Variants in DMRT1 observed in about 807,000 individuals in gnomAD.
DMRT1 encodes doublesex and mab-3 related transcription factor 1.
In DMRT1, 7 loss-of-function variants were observed where a neutral mutation model predicts 32.3. The ratio of observed to expected loss-of-function variants is 0.22; its 90% confidence interval spans 0.12 to 0.41. DMRT1 has a LOEUF of 0.41. Ranked by LOEUF, DMRT1 falls within the 10% of genes least tolerant of loss-of-function variation. The probability of loss-of-function intolerance (pLI) is 1.00; values close to 1 mark genes in which losing one functional copy is unlikely to be tolerated. For missense variants in DMRT1, 625 were observed against 500.5 expected, an observed-to-expected ratio of 1.25 and a Z score of -2.37; for synonymous variants, 278 against 206.1, an observed-to-expected ratio of 1.35 and a Z score of -2.99.
chr9:859,105 G>A (rs1459089111), intron 2 of DMRT1, among the ~76,000 whole-genome samples: 1 of 151,962 alleles, frequency 6.6e-6, no homozygotes, highest in African/African-American at 2.4e-5. Context: ...AAGTTCCCTG[G>A]CTTCTGAAAT....
chr9:941,280 G>T (rs898562389), intron 4 of DMRT1, among the ~76,000 whole-genome samples: 2 of 151,570 alleles, frequency 1.3e-5, no homozygotes, highest in African/African-American at 4.9e-5. Context: ...ACAGAGGGTG[G>T]ACAAAGAAAA....
intron 4 of DMRT1, among the ~76,000 whole-genome samples, chr9:929,035 C>T (rs377331081): frequency 1.1e-4 from 16 of 151,954 alleles, no homozygotes; most frequent in South Asian, 6.3e-4. Flanking sequence ...GATGGGGTTT[C>T]GCTATGTTGG....
At chr9:868,556 G>T (rs1816091143) in intron 2 of DMRT1, among the ~76,000 whole-genome samples, 1 of 152,198 alleles carries the variant, frequency 6.6e-6, no homozygotes, top group Non-Finnish European at 1.5e-5. Context: ...TTCTTTGTGT[G>T]CTGGGCACCT....
chr9:915,066 AATTATTTTGG>A, intron 3 of DMRT1, among the ~76,000 whole-genome samples: 1 of 152,288 alleles, frequency 6.6e-6, no homozygotes, highest in Non-Finnish European at 1.5e-5. Context: ...CATGATTTTG[AATTATTTTGG>A]ATTATTTTGA....
intron 2 of DMRT1, among the ~76,000 whole-genome samples, chr9:882,067 C>G (rs912870889): frequency 6.6e-6 from 1 of 152,144 alleles, no homozygotes; most frequent in African/African-American, 2.4e-5. Flanking sequence ...CAGTTTTCCT[C>G]GGTGACTTGG....
At chr9:929,675 A>T (rs903343626) in intron 4 of DMRT1, among the ~76,000 whole-genome samples, 1 of 152,006 alleles carries the variant, frequency 6.6e-6, no homozygotes, top group African/African-American at 2.4e-5. Context: ...TGAAAATGGA[A>T]ATTTATACTT....
chr9:891,681 A>ATT (rs111596773), intron 2 of DMRT1, among the ~76,000 whole-genome samples: 3 of 140,964 alleles, frequency 2.1e-5, no homozygotes, highest in South Asian at 2.3e-4. Context: ...CGCCTGGCTA[A>ATT]TTTTTTTTTT....
intron 1 of DMRT1, 137 bp downstream of exon 1, chr9:842,329 G>C (rs549953533): frequency 1.4e-4 from 157 of 1,159,678 alleles, no homozygotes; most frequent in Non-Finnish European, 1.8e-4. Context: ...CCGCTTCCCG[G>C]GTTCAAGCAA....
intron 4 of DMRT1, among the ~76,000 whole-genome samples, chr9:919,172 G>T (rs1818277838): frequency 1.3e-5 from 2 of 152,192 alleles, no homozygotes; most frequent in Admixed American, 6.5e-5. Flanking sequence ...GTGTTAATAT[G>T]TAAGTTATTA....
At chr9:887,613 C>A (rs1816981987) in intron 2 of DMRT1, among the ~76,000 whole-genome samples, 1 of 152,176 alleles carries the variant, frequency 6.6e-6, no homozygotes, top group Admixed American at 6.5e-5. Context: ...CCTTTCTCTC[C>A]TTTGGGCCTC....
At chr9:951,081 G>T (rs7022800) in intron 4 of DMRT1, among the ~76,000 whole-genome samples, 18,556 of 152,046 alleles carry the variant, frequency 0.12, 1,287 homozygotes, top group African/African-American at 0.16. Context: ...AGTAATATTT[G>T]CTAATGGAAA....
chr9:959,825 G>T (rs567134655), intron 4 of DMRT1, among the ~76,000 whole-genome samples: 5 of 152,300 alleles, frequency 3.3e-5, no homozygotes, highest in African/African-American at 1.2e-4. Flanking sequence ...ACCGCATCCA[G>T]CCACCTTAAA....
At chr9:879,990 G>A (rs528132870) in intron 2 of DMRT1, among the ~76,000 whole-genome samples, 2 of 152,084 alleles carry the variant, frequency 1.3e-5, no homozygotes, top group Non-Finnish European at 2.9e-5. Context: ...CATAGTGGGG[G>A]GCCATAAATT....
intron 2 of DMRT1, among the ~76,000 whole-genome samples, chr9:887,656 T>G (rs1427977333): frequency 2.0e-5 from 3 of 152,186 alleles, no homozygotes; most frequent in Non-Finnish European, 4.4e-5. Context: ...ATTGGTATTA[T>G]TCTCCTTTTT....
At position 922,947 on chromosome 9, in the gene DMRT1, C is replaced by T. The variant is rs148351319; in HGVS notation, c.967+6040C>T. Among the ~76,000 whole-genome samples the T allele has an allele frequency of 7.9e-3, 1,204 of 152,312 alleles. 10 individuals are homozygous for T. Among genetic ancestry groups the T allele is most frequent in the Non-Finnish European group, 0.01 (699 of 68,032 alleles). ...TCCATGGAGTTGAAGGCTTCATGCT[C>T]CTCTGTGATGTGTAAGCAGCTTGCA... is the stretch of plus-strand genomic sequence containing the variant. On this transcript the variant is annotated intron_variant, in intron 4 of 4. Transcript: ENST00000382276.
At chr9:882,503 C>T (rs1211344981) in intron 2 of DMRT1, among the ~76,000 whole-genome samples, 1 of 152,112 alleles carries the variant, frequency 6.6e-6, no homozygotes, top group African/African-American at 2.4e-5. Flanking sequence ...TTCTCCTTTG[C>T]ACTGTTAATC....
chr9:928,542 G>C (rs577024037), intron 4 of DMRT1, among the ~76,000 whole-genome samples: 3 of 152,274 alleles, frequency 2.0e-5, no homozygotes, highest in East Asian at 3.9e-4. Context: ...GGCAGCGAAA[G>C]AAACAATCAC....
In DMRT1 at chr9:873,191, C is replaced by G. The variant is rs575327104; in HGVS notation, c.539-20721C>G. 1.1e-3 allele frequency among the ~76,000 whole-genome samples: 171 copies of G among 152,278 alleles called. 1 individual carries two copies. The South Asian group carries it at 0.012, about 11-fold the overall frequency. On this transcript the variant is annotated intron_variant, in intron 2 of 4. Coordinates refer to ENST00000382276, the MANE Select transcript of DMRT1 (RefSeq NM_021951.3). ...ATGACGTTGTGCATCTTCTCATGCA[C>G]TTTGTGCCATTTTTGTCTGTCTTCT...
At chr9:935,074 G>A (rs1818843236) in intron 4 of DMRT1, among the ~76,000 whole-genome samples, 1 of 152,224 alleles carries the variant, frequency 6.6e-6, no homozygotes, top group Non-Finnish European at 1.5e-5. Context: ...AGTGAGAATA[G>A]TAGTGCATTT....
Sources: allele counts gnomAD v4.1 joint callset (sites outside exome capture counted in the v4.1 genomes callset), GRCh38; gene constraint gnomAD v4.1.1; transcripts MANE v1.5; gene names NCBI Gene and HGNC (gene_info 2026-07-23, HGNC 2026-07-21).